The following RABGAP1L variants were observed in gnomAD, a reference collection of about 807,000 sequenced individuals.
The protein encoded by RABGAP1L is RAB GTPase activating protein 1 like.
A neutral mutation model predicts 137.7 loss-of-function variants in RABGAP1L; 63 were observed. The observed-to-expected ratio is 0.46, with a 90% CI of 0.37 to 0.56. RABGAP1L has a LOEUF of 0.56. Among genes scored for constraint, RABGAP1L ranks in the 20% least tolerant of loss-of-function variants. The pLI, the probability that RABGAP1L is intolerant of heterozygous loss-of-function variation, is 0.00. For missense variants in RABGAP1L, 1,095 were observed against 1,244.0 expected (o/e 0.88, Z 1.80); for synonymous variants, 431 against 433.7 (o/e 0.99, Z 0.08).
chr1:174,795,597 A>G (rs1196426678), intron 18 of RABGAP1L, among the ~76,000 whole-genome samples: 4 of 152,174 alleles, frequency 2.6e-5, no homozygotes, highest in African/African-American at 7.2e-5. Context: ...ACAGGGTCTC[A>G]CTTTCTCACC....
intron 18 of RABGAP1L, among the ~76,000 whole-genome samples, chr1:174,774,494 T>A (rs1686370128): frequency 6.6e-6 from 1 of 151,754 alleles, no homozygotes; most frequent in Middle Eastern, 3.2e-3. Flanking sequence ...GATCACACCA[T>A]TGCACTCCAG....
chr1:174,935,858 G>A (rs1233943211), intron 19 of RABGAP1L, among the ~76,000 whole-genome samples: 1 of 151,998 alleles, frequency 6.6e-6, no homozygotes, highest in East Asian at 1.9e-4. Context: ...GCACATGCCT[G>A]TAATCCCAGC....
intron 17 of RABGAP1L, among the ~76,000 whole-genome samples, chr1:174,745,072 A>G (rs1683765411): frequency 1.3e-5 from 2 of 152,170 alleles, no homozygotes; most frequent in Admixed American, 1.3e-4. Context: ...TTCATCTCTG[A>G]TCCACTTGGC....
At chr1:174,952,004 C>T (rs1253196366) in intron 19 of RABGAP1L, among the ~76,000 whole-genome samples, 2 of 152,058 alleles carry the variant, frequency 1.3e-5, no homozygotes, top group Non-Finnish European at 2.9e-5. Context: ...AAAATCTTTA[C>T]GTATGTATTC....
chr1:174,936,971 A>ATTTTTTTTTTTTTTTT (rs909397955), intron 19 of RABGAP1L, among the ~76,000 whole-genome samples: 1 of 101,524 alleles, frequency 9.8e-6, no homozygotes, highest in African/African-American at 4.4e-5. Context: ...TATAAGATTA[A>ATTTTTTTTTTTTTTTT]TTTTTTTTTT....
At chr1:174,211,997 A>G (rs1419339910) in intron 1 of RABGAP1L, among the ~76,000 whole-genome samples, 1 of 152,146 alleles carries the variant, frequency 6.6e-6, no homozygotes, top group Non-Finnish European at 1.5e-5. Flanking sequence ...TATTAGAGCT[A>G]AAGAGAGGGA....
At chr1:174,363,260 A>C (rs1362886618) in intron 11 of RABGAP1L, among the ~76,000 whole-genome samples, 2 of 152,194 alleles carry the variant, frequency 1.3e-5, no homozygotes, top group Non-Finnish European at 2.9e-5. Flanking sequence ...TGCCTTGGCT[A>C]TTCAAGCTTT....
At chr1:174,360,106 C>G (rs910459742) in intron 11 of RABGAP1L, among the ~76,000 whole-genome samples, 1 of 152,072 alleles carries the variant, frequency 6.6e-6, no homozygotes, top group Admixed American at 6.6e-5. Context: ...GTTCTAATAT[C>G]CTTTTGTAGT....
At chr1:174,481,646 AAAT>A (rs1398443812) in intron 13 of RABGAP1L, among the ~76,000 whole-genome samples, 2 of 152,172 alleles carry the variant, frequency 1.3e-5, no homozygotes, top group Non-Finnish European at 2.9e-5. Context: ...GATGTTAAAA[AAAT>A]AAAAAAAGGA....
intron 1 of RABGAP1L, among the ~76,000 whole-genome samples, chr1:174,182,151 AC>A (rs11365912): frequency 0.072 from 11,019 of 152,246 alleles, 594 homozygotes; most frequent in East Asian, 0.32. Flanking sequence ...CACTTGCTTT[AC>A]TTAACCCTAA....
At chr1:174,602,132 C>G (rs1670462328) in intron 13 of RABGAP1L, among the ~76,000 whole-genome samples, 1 of 152,116 alleles carries the variant, frequency 6.6e-6, no homozygotes, top group Admixed American at 6.5e-5. Flanking sequence ...TTTCGGGTAT[C>G]TTTTCGTCAA....
intron 13 of RABGAP1L, among the ~76,000 whole-genome samples, chr1:174,536,481 G>A (rs1199895716): frequency 1.3e-5 from 2 of 152,080 alleles, no homozygotes; most frequent in East Asian, 1.9e-4. Flanking sequence ...GATAAATTAA[G>A]TAAAAAGAAA....
intron 14 of RABGAP1L, among the ~76,000 whole-genome samples, chr1:174,638,161 G>T (rs762560024): frequency 1.3e-5 from 2 of 152,148 alleles, no homozygotes; most frequent in East Asian, 1.9e-4. Flanking sequence ...TAAAGAGATG[G>T]TTAATGAATA....
chr1:174,464,704 A>T (rs1657095008), intron 13 of RABGAP1L, among the ~76,000 whole-genome samples: 1 of 151,884 alleles, frequency 6.6e-6, no homozygotes, highest in South Asian at 2.1e-4. Flanking sequence ...TTTAGAATCC[A>T]GTTTATACAC....
intron 1 of RABGAP1L, among the ~76,000 whole-genome samples, chr1:174,162,187 A>G (rs1664525917): frequency 6.6e-6 from 1 of 152,026 alleles, no homozygotes; most frequent in Admixed American, 6.6e-5. Flanking sequence ...CCTTTGAATG[A>G]AAGAATTTTA....
intron 11 of RABGAP1L, among the ~76,000 whole-genome samples, chr1:174,362,264 A>G (rs1684214414): frequency 6.6e-6 from 1 of 152,158 alleles, no homozygotes; most frequent in South Asian, 2.1e-4. Flanking sequence ...GTGTCTTTAT[A>G]ATAGAACAAT....
chr1:174,609,279 A>T (rs2148201446), intron 13 of RABGAP1L, among the ~76,000 whole-genome samples: 1 of 152,310 alleles, frequency 6.6e-6, no homozygotes, highest in Non-Finnish European at 1.5e-5. Flanking sequence ...CACAAATGGC[A>T]ACTTAATACT....
At chr1:174,711,493 G>A (rs574843685) in intron 17 of RABGAP1L, among the ~76,000 whole-genome samples, 13 of 152,232 alleles carry the variant, frequency 8.5e-5, no homozygotes, top group South Asian at 6.2e-4. Flanking sequence ...CACTCGGAGC[G>A]GCTGGCCTGC....
At chr1:174,469,721 A>G (rs1657692881) in intron 13 of RABGAP1L, among the ~76,000 whole-genome samples, 1 of 152,170 alleles carries the variant, frequency 6.6e-6, no homozygotes, top group Non-Finnish European at 1.5e-5. Flanking sequence ...TTGAATTACA[A>G]CCAAAGGTGC....
Sources: gnomAD v4.1 joint callset for allele counts (sites outside exome capture counted in the v4.1 genomes callset) on GRCh38, gnomAD v4.1.1 for gene constraint, MANE v1.5 for transcripts, NCBI Gene and HGNC (gene_info 2026-07-23, HGNC 2026-07-21) for gene names.